The following ABL1 variants were observed in gnomAD, a reference collection of about 807,000 sequenced individuals.
ABL1 encodes tyrosine-protein kinase ABL1.
ABL1 carries 11 observed loss-of-function variants against 94.7 expected under a neutral mutation model. The observed-to-expected ratio is 0.12, with a 90% CI of 0.07 to 0.19. The LOEUF is 0.19. ABL1 is among the 10% of genes least tolerant of loss of function. The pLI is 1.00. For missense variants in ABL1, 1,082 were observed against 1,489.4 expected, an observed-to-expected ratio of 0.73 and a Z score of 4.50; for synonymous variants, 656 against 622.4, an observed-to-expected ratio of 1.05 and a Z score of -0.80.
chr9:130,798,902 C>T (rs1268716880), intron 1 of ABL1, among the ~76,000 whole-genome samples: 5 of 141,998 alleles, frequency 3.5e-5, no homozygotes, highest in South Asian at 4.5e-4. Context: ...ACCCAGGAGG[C>T]GGAGGTTGCA....
chr9:130,791,947 A>G (rs1272419492), intron 1 of ABL1, among the ~76,000 whole-genome samples: 3 of 152,164 alleles, frequency 2.0e-5, no homozygotes, highest in African/African-American at 7.2e-5. Flanking sequence ...TACCATCACT[A>G]AAGAACATCC....
chr9:130,815,638 C>G (rs2132866802), intron 1 of ABL1, among the ~76,000 whole-genome samples: 1 of 152,250 alleles, frequency 6.6e-6, no homozygotes, highest in African/African-American at 2.4e-5. Context: ...GTTTCTTCTC[C>G]CTACAGCAGC....
intron 1 of ABL1, among the ~76,000 whole-genome samples, chr9:130,779,215 TCA>T (rs1564287806): frequency 6.6e-6 from 1 of 152,152 alleles, no homozygotes; most frequent in Non-Finnish European, 1.5e-5. Context: ...CAATCTGGAG[TCA>T]CAGAGTGGCA....
rs36125589 is a variant in ABL1, at chr9:130,814,416, C to T, written c.137-39648C>T. Reference sequence around the variant, plus strand: ...AGCAATGAAACTCATAAACCTCTACCCAGACTGATCAGGGGAAAAAAGGGA... The same window carrying T: ...AGCAATGAAACTCATAAACCTCTACTCAGACTGATCAGGGGAAAAAAGGGA... On this transcript the variant is annotated intron_variant, in intron 1 of 10. Transcript: ENST00000372348. This position sits in a 1 kb window ranked among gnomAD's most constrained non-coding sequence, Gnocchi z 4.4. Among the ~76,000 whole-genome samples the T allele has an allele frequency of 6.6e-6, 1 of 152,126 alleles. No homozygotes were observed. Among genetic ancestry groups the T allele is most frequent in the Admixed American group, 6.6e-5 (1 of 15,266 alleles).
At position 130,863,095 on chromosome 9, in the gene ABL1, G is replaced by A. The variant is rs998214939; in HGVS notation, c.822+60G>A. 3 of 1,505,256 alleles carry A rather than the reference G, an allele frequency of 2.0e-6. No individual in the cohort carries two copies. Among genetic ancestry groups the A allele is most frequent in the Non-Finnish European group, 2.7e-6 (3 of 1,123,404 alleles). The allele number at this position is 1,505,256 out of a possible 1,614,324, so 93.2% of individuals were successfully genotyped here. On this transcript the variant is annotated intron_variant, in intron 4 of 10. Coordinates refer to ENST00000318560, the MANE Select transcript of ABL1 (RefSeq NM_005157.6). This position sits in a 1 kb window ranked among gnomAD's most constrained non-coding sequence, Gnocchi z 4.3. ...TGGGGCAAGGCGTCTGCTGGCATTA[G>A]GCGATGCATCTGCCTGGAAGTCTAC...
At chr9:130,730,492 T>G (rs1229915664) in intron 1 of ABL1, among the ~76,000 whole-genome samples, 1 of 152,216 alleles carries the variant, frequency 6.6e-6, no homozygotes, top group African/African-American at 2.4e-5. Context: ...ATGTATCTCT[T>G]GCCAGTTCAC....
chr9:130,863,610 T>C lies in ABL1; in HGVS notation c.822+575T>C, dbSNP rs1831110572. Among the ~76,000 whole-genome samples, 1 of 152,214 alleles carries C rather than the reference T, an allele frequency of 6.6e-6. No homozygotes were observed. The highest frequency in any genetic ancestry group is 2.1e-4 in the South Asian group (1 of 4,822). ...TGACCAACTCAGATACAGTCTGGTC[T>C]TTCTTGTTAACTGGGACTTTACCCT... On this transcript the variant is annotated intron_variant, in intron 4 of 10. Transcript: ENST00000318560. The surrounding 1 kb of genome is among the most constrained non-coding windows in gnomAD (Gnocchi z 4.3).
chr9:130,824,133 G>A (rs1830397844), intron 1 of ABL1, among the ~76,000 whole-genome samples: 1 of 152,168 alleles, frequency 6.6e-6, no homozygotes, highest in Non-Finnish European at 1.5e-5. Flanking sequence ...TGATTATAAG[G>A]TATTGGCTCA....
intron 1 of ABL1, among the ~76,000 whole-genome samples, chr9:130,724,224 A>G (rs1211880839): frequency 1.3e-5 from 2 of 152,192 alleles, no homozygotes; most frequent in Non-Finnish European, 2.9e-5. Flanking sequence ...TAAGCTTGTG[A>G]ATGCAGGTTT....
rs1007890737 is a variant in ABL1, at chr9:130,803,192, A to T, written c.137-50872A>T. Among the ~76,000 whole-genome samples, 3 of 152,100 alleles carry T rather than the reference A, an allele frequency of 2.0e-5. No homozygotes were observed. The South Asian group carries it at 6.2e-4, about 32-fold the overall frequency. ...GTAGCTGGGATTACAGGCCCGCACC[A>T]CCACGCCCGGCTAATTTTTGTATTC... On this transcript the variant is annotated intron_variant, in intron 1 of 10. Transcript: ENST00000372348.
chr9:130,775,267 C>T (rs1232468405), intron 1 of ABL1, among the ~76,000 whole-genome samples: 7 of 152,178 alleles, frequency 4.6e-5, no homozygotes, highest in Non-Finnish European at 1.0e-4. Context: ...AACAAACAAC[C>T]TTGCATCACA....
At chr9:130,834,727 C>T (rs1258157284), upstream of ABL1, 2 of 388,634 alleles carry the variant, frequency 5.1e-6, no homozygotes, top group Non-Finnish European at 1.1e-5. Context: ...ACCGGGGTGT[C>T]GTGCGCACGT....
chr9:130,716,819 C>T (rs898695019), intron 1 of ABL1, among the ~76,000 whole-genome samples: 6 of 151,876 alleles, frequency 4.0e-5, no homozygotes, highest in South Asian at 2.1e-4. Flanking sequence ...GGTGCAATCT[C>T]GGCTCACTGC....
intron 1 of ABL1, among the ~76,000 whole-genome samples, chr9:130,822,171 C>T (rs752507206): frequency 6.6e-5 from 10 of 151,814 alleles, no homozygotes; most frequent in Non-Finnish European, 1.0e-4. Context: ...GAGGTTTCAC[C>T]ATGTTGATCA....
chr9:130,770,497 C>T (rs1312383489), intron 1 of ABL1, among the ~76,000 whole-genome samples: 1 of 152,162 alleles, frequency 6.6e-6, no homozygotes, highest in African/African-American at 2.4e-5. Context: ...ACAGCATAAG[C>T]ACTTGTCTCC....
intron 3 of ABL1, 146 bp downstream of exon 3, chr9:130,855,242 A>T (rs1830954976): frequency 1.1e-6 from 1 of 893,618 alleles, no homozygotes; most frequent in South Asian, 1.7e-5. Context: ...CATTAGCCTT[A>T]TGAAGACCCT....
At chr9:130,752,964 A>C (rs1831985401) in intron 1 of ABL1, among the ~76,000 whole-genome samples, 1 of 146,308 alleles carries the variant, frequency 6.8e-6, no homozygotes, top group Admixed American at 6.8e-5. Flanking sequence ...GTCTCAAAAA[A>C]AAAAAAAAAG....
At chr9:130,736,047 C>T (rs1230954619) in intron 1 of ABL1, among the ~76,000 whole-genome samples, 2 of 148,908 alleles carry the variant, frequency 1.3e-5, no homozygotes, top group South Asian at 2.1e-4. Context: ...CTTCAGTCCT[C>T]GGGGCTCAAG....
intron 1 of ABL1, among the ~76,000 whole-genome samples, chr9:130,731,962 C>T (rs1172394031): frequency 6.6e-6 from 1 of 150,960 alleles, no homozygotes; most frequent in African/African-American, 2.4e-5. Context: ...TCAATTGTTT[C>T]AAATTTTCAA....
Sources: allele counts gnomAD v4.1 joint callset (sites outside exome capture counted in the v4.1 genomes callset), GRCh38; gene constraint gnomAD v4.1.1; non-coding constraint Gnocchi (gnomAD v3.1); transcripts MANE v1.5; gene names NCBI Gene and HGNC (gene_info 2026-07-23, HGNC 2026-07-21).